Variants in PLA2G4E observed in about 807,000 individuals in gnomAD.
PLA2G4E encodes phospholipase A2 group IVE.
In PLA2G4E, 84 loss-of-function variants were observed where a neutral mutation model predicts 109.1. The observed-to-expected ratio is 0.77, with a 90% CI of 0.65 to 0.92. The LOEUF (loss-of-function observed/expected upper bound fraction) is 0.92, where lower values mean the gene tolerates loss of function less well. Ranked by LOEUF, PLA2G4E falls within the 40% of genes least tolerant of loss-of-function variation. The pLI, the probability that PLA2G4E is intolerant of heterozygous loss-of-function variation, is 0.00. For synonymous variants in PLA2G4E, 469 were observed against 436.1 expected, an observed-to-expected ratio of 1.08 and a Z score of -0.94; for missense variants, 1,057 against 1,076.6, an observed-to-expected ratio of 0.98 and a Z score of 0.25.
intron 14 of PLA2G4E, among the ~76,000 whole-genome samples, 158 bp downstream of exon 14, chr15:41,989,963 G>A (rs369447236): frequency 6.6e-6 from 1 of 152,222 alleles, no homozygotes; most frequent in East Asian, 1.9e-4. Context: ...AGGGCAGATT[G>A]GGGTAGCAAA....
intron 1 of PLA2G4E, among the ~76,000 whole-genome samples, chr15:42,042,509 G>A (rs1373718212): frequency 6.6e-6 from 1 of 152,112 alleles, no homozygotes; most frequent in Non-Finnish European, 1.5e-5. Flanking sequence ...AGCAAAAAAT[G>A]CATTTAGAGA....
intron 1 of PLA2G4E, among the ~76,000 whole-genome samples, chr15:42,040,220 A>ACG (rs1566851872): frequency 2.9e-4 from 44 of 151,322 alleles, no homozygotes; most frequent in African/African-American, 1.1e-3. Context: ...ACACACACCT[A>ACG]CACACACACT....
intron 19 of PLA2G4E, 146 bp downstream of exon 19, chr15:41,984,290 G>T: frequency 1.3e-6 from 1 of 797,736 alleles, no homozygotes; most frequent in Non-Finnish European, 2.0e-6. Flanking sequence ...GGAATGGGAG[G>T]CGCCCTTCTT....
chr15:41,994,591 T>TG (rs1218633624), intron 12 of PLA2G4E, among the ~76,000 whole-genome samples: 1 of 152,224 alleles, frequency 6.6e-6, no homozygotes, highest in Non-Finnish European at 1.5e-5. Flanking sequence ...CTTGAGCTCC[T>TG]GGCCTCAAGC....
chr15:42,035,289 C>T lies in PLA2G4E; in HGVS notation c.183+15232G>A, dbSNP rs139304423. ...CACTGTCATATGTCTACCCACCACT[C>T]ACATACCTTACTGCCTTGGTGACAT... On this transcript the variant is annotated intron_variant, in intron 1 of 19. Coordinates refer to ENST00000399518, the Ensembl canonical transcript of PLA2G4E. Among the ~76,000 whole-genome samples, 29 of 152,372 alleles carry T rather than the reference C, an allele frequency of 1.9e-4. 1 individual carries two copies. Among genetic ancestry groups the T allele is most frequent in the Non-Finnish European group, 3.7e-4 (25 of 68,034 alleles).
intron 2 of PLA2G4E, among the ~76,000 whole-genome samples, chr15:42,010,997 A>T (rs4924601): frequency 0.4 from 60,620 of 152,142 alleles, 12,779 homozygotes; most frequent in South Asian, 0.59. Context: ...CCTAAAAGAC[A>T]TCGGGATAGT....
intron 1 of PLA2G4E, among the ~76,000 whole-genome samples, chr15:42,025,495 C>A (rs1449995901): frequency 6.6e-6 from 1 of 151,950 alleles, no homozygotes; most frequent in African/African-American, 2.4e-5. Flanking sequence ...CCTCCCCCCA[C>A]CCCCCACTGG....
At chr15:41,985,552 A>AT (rs1188411681) in intron 18 of PLA2G4E, among the ~76,000 whole-genome samples, 3 of 152,330 alleles carry the variant, frequency 2.0e-5, no homozygotes, top group Non-Finnish European at 2.9e-5. Flanking sequence ...TTAAAAACTC[A>AT]TTTTTTGTAG....
At chr15:42,000,339 C>G in intron 7 of PLA2G4E, 57 bp from the exon 8 acceptor site, 1 of 1,468,916 alleles carries the variant, frequency 6.8e-7, no homozygotes. Context: ...CCACCTGCAA[C>G]TTGGTCCAGC....
At chr15:42,017,137 T>C (rs2068603079) in intron 1 of PLA2G4E, among the ~76,000 whole-genome samples, 1 of 152,194 alleles carries the variant, frequency 6.6e-6, no homozygotes, top group African/African-American at 2.4e-5. Context: ...TCCTGAGGGA[T>C]ATTCCACAGT....
chr15:41,997,439 T>C, intron 10 of PLA2G4E, 180 bp from the exon 11 acceptor site: 1 of 575,040 alleles, frequency 1.7e-6, no homozygotes, highest in Non-Finnish European at 2.8e-6. Flanking sequence ...CTCTCAGCAC[T>C]GTCTTCAGCA....
intron 3 of PLA2G4E, among the ~76,000 whole-genome samples, chr15:42,006,757 G>C (rs923786729): frequency 1.3e-5 from 2 of 152,134 alleles, no homozygotes; most frequent in South Asian, 4.1e-4. Flanking sequence ...CTTGTTCCAA[G>C]GATCCTGGGG....
chr15:42,013,756 T>G, exon 2 of PLA2G4E: 2 of 1,549,728 alleles, frequency 1.3e-6, no homozygotes, highest in Non-Finnish European at 1.7e-6. Context: ...AGACAGCCCC[T>G]CCTGTGGAAG....
chr15:42,028,739 G>T (rs1204695654), intron 1 of PLA2G4E, among the ~76,000 whole-genome samples: 2 of 152,070 alleles, frequency 1.3e-5, no homozygotes, highest in African/African-American at 4.8e-5. Context: ...TCTTCTATGT[G>T]CCTATGTTTC....
intron 5 of PLA2G4E, among the ~76,000 whole-genome samples, chr15:42,003,343 C>T (rs545960163): frequency 1.3e-5 from 2 of 152,332 alleles, no homozygotes; most frequent in Non-Finnish European, 2.9e-5. Context: ...ACTGCAACCT[C>T]CACCTCCTGG....
At chr15:42,048,546 C>T (rs1183746061) in intron 1 of PLA2G4E, among the ~76,000 whole-genome samples, 1 of 152,148 alleles carries the variant, frequency 6.6e-6, no homozygotes, top group Non-Finnish European at 1.5e-5. Context: ...TGGAGAAAGA[C>T]CAGGGGGCCA....
At chr15:42,013,809 AT>A (rs201095747) in intron 1 of PLA2G4E, 52 bp from the exon 2 acceptor site, 271,110 of 1,473,026 alleles carry the variant, frequency 0.18, 27,531 homozygotes, top group South Asian at 0.23. Flanking sequence ...CTCCAAGGCC[AT>A]TGCCCCGGGG....
At chr15:41,987,645 G>A (rs2068165074) in intron 16 of PLA2G4E, among the ~76,000 whole-genome samples, 1 of 152,112 alleles carries the variant, frequency 6.6e-6, no homozygotes, top group South Asian at 2.1e-4. Flanking sequence ...AGAGTGACCT[G>A]TGACTGCTAT....
chr15:42,023,894 AG>A (rs1322104595), intron 1 of PLA2G4E, among the ~76,000 whole-genome samples: 1 of 152,114 alleles, frequency 6.6e-6, no homozygotes, highest in Non-Finnish European at 1.5e-5. Flanking sequence ...GCTTGGTGGA[AG>A]TTTCTTCCCC....
Sources: gnomAD v4.1 joint callset for allele counts (sites outside exome capture counted in the v4.1 genomes callset) on GRCh38, gnomAD v4.1.1 for gene constraint, MANE v1.5 for transcripts, NCBI Gene and HGNC (gene_info 2026-07-23, HGNC 2026-07-21) for gene names.